The following HIKESHI variants were observed in gnomAD, a reference collection of about 807,000 sequenced individuals.
HIKESHI encodes heat shock protein nuclear import factor hikeshi, also known as protein Hikeshi.
Under a neutral mutation model 25.7 loss-of-function variants are expected in HIKESHI, and 13 were observed. The observed-to-expected ratio is 0.51, with a 90% CI of 0.33 to 0.80. The LOEUF is 0.80. Among genes scored for constraint, HIKESHI ranks in the 30% least tolerant of loss-of-function variants. HIKESHI has a pLI of 0.02. For synonymous variants in HIKESHI, 76 were observed against 78.7 expected (o/e 0.97, Z 0.18); for missense variants, 174 against 229.5 (o/e 0.76, Z 1.56).
intron 3 of HIKESHI, chr11:86,343,768 A>G (rs1947794896): frequency 6.6e-6 from 1 of 152,216 alleles, no homozygotes; most frequent in Non-Finnish European, 1.5e-5. Context: ...AATAAGACCA[A>G]TTCTCTTGTG....
At chr11:86,309,348 T>C (rs1470076318) in intron 2 of HIKESHI, among the ~76,000 whole-genome samples, 1 of 152,232 alleles carries the variant, frequency 6.6e-6, no homozygotes, top group Non-Finnish European at 1.5e-5. Context: ...CACGTGTCTG[T>C]TGGCTACATA....
At chr11:86,343,144 T>A (rs1192166471) in intron 3 of HIKESHI, among the ~76,000 whole-genome samples, 1 of 152,210 alleles carries the variant, frequency 6.6e-6, no homozygotes, top group East Asian at 1.9e-4. Flanking sequence ...CTTTTCTGTC[T>A]CTTAGTAGTC....
chr11:86,339,084 C>T (rs1057459303), intron 3 of HIKESHI, among the ~76,000 whole-genome samples: 10 of 152,100 alleles, frequency 6.6e-5, no homozygotes, highest in East Asian at 1.9e-4. Context: ...CTCACTCTGT[C>T]GCCCAGGCTG....
intron 2 of HIKESHI, 111 bp from the exon 3 acceptor site, chr11:86,337,268 A>C: frequency 1.0e-6 from 1 of 978,680 alleles, no homozygotes; most frequent in East Asian, 2.6e-5. Context: ...ACAAACTTGG[A>C]CATAAAACTT....
intron 3 of HIKESHI, among the ~76,000 whole-genome samples, chr11:86,343,004 A>T (rs187003951): frequency 1.4e-4 from 22 of 152,324 alleles, no homozygotes; most frequent in Admixed American, 1.2e-3. Flanking sequence ...AACATTGGAT[A>T]TATGGGTTTA....
intron 2 of HIKESHI, among the ~76,000 whole-genome samples, chr11:86,323,293 T>G (rs7928198): frequency 0.023 from 3,535 of 151,846 alleles, 127 homozygotes; most frequent in African/African-American, 0.08. Flanking sequence ...AGGAAAGAAA[T>G]AAATGTAAAT....
At position 86,302,497 on chromosome 11, in the gene HIKESHI, G is replaced by A; in HGVS notation, c.30+19G>A. On this transcript the variant is annotated intron_variant, in intron 1 of 4. Coordinates refer to ENST00000278483, the MANE Select transcript of HIKESHI (RefSeq NM_016401.4). ...GAGGCTGGTGAGGATGGGACCGGGT[G>A]ATATCAGGAAGGGGTCAGGATACCG... 6.4e-7 allele frequency: 1 copy of A among 1,556,904 alleles called. No homozygotes were observed. The highest frequency in any genetic ancestry group is 8.7e-7 in the Non-Finnish European group (1 of 1,150,090).
At chr11:86,334,234 ATATGTGTG>A (rs760597940) in intron 2 of HIKESHI, among the ~76,000 whole-genome samples, 1 of 125,840 alleles carries the variant, frequency 7.9e-6, no homozygotes, top group Non-Finnish European at 1.6e-5. Flanking sequence ...TCTTTGTAAA[ATATGTGTG>A]TGTGTGTGTG....
At chr11:86,333,440 C>T (rs960411931) in intron 2 of HIKESHI, among the ~76,000 whole-genome samples, 3 of 151,900 alleles carry the variant, frequency 2.0e-5, no homozygotes, top group Admixed American at 6.6e-5. Flanking sequence ...GAGGCTGAGG[C>T]ATGAGAATTG....
intron 2 of HIKESHI, among the ~76,000 whole-genome samples, chr11:86,321,535 AT>A (rs35862030): frequency 0.16 from 23,376 of 146,292 alleles, 2,354 homozygotes; most frequent in African/African-American, 0.29. Flanking sequence ...TTTGTTTTAC[AT>A]TTTTTTTTTT....
chr11:86,306,303 A>G lies in HIKESHI; in HGVS notation c.89A>G (p.Tyr30Cys). 1.2e-6 allele frequency: 2 copies of G among 1,614,132 alleles called. No individual in the cohort carries two copies. Among genetic ancestry groups the G allele is most frequent in the Non-Finnish European group, 1.7e-6 (2 of 1,179,996 alleles). The change falls in exon 2 of 5, where the codon TAT (tyrosine) becomes TGT (cysteine). Residue 30 changes from tyrosine (Y) to cysteine (C), a missense_variant. By Grantham distance (194) the Tyr-to-Cys change is radical. Transcript: ENST00000278483. ...AAATTTGTTTTTGACTTACCTGATTATGAAAGTATCAACCATGTTGTGGTT... is the reference window on the plus strand; with the variant it reads ...AAATTTGTTTTTGACTTACCTGATTGTGAAAGTATCAACCATGTTGTGGTT... The part of the protein sequence containing the change: ...EDKFVFDLPD[Y>C]ESINHVVVFM...
chr11:86,309,707 T>C (rs1026079673), intron 2 of HIKESHI, among the ~76,000 whole-genome samples: 7 of 152,240 alleles, frequency 4.6e-5, no homozygotes, highest in Non-Finnish European at 7.3e-5. Flanking sequence ...GTTTTAGGGC[T>C]AACATGTAAG....
At chr11:86,319,291 G>A (rs1250020132) in intron 2 of HIKESHI, among the ~76,000 whole-genome samples, 7 of 145,222 alleles carry the variant, frequency 4.8e-5, no homozygotes, top group Non-Finnish European at 1.0e-4. Flanking sequence ...AGGCCAGAGT[G>A]CAGTAGCAAG....
chr11:86,334,679 T>C (rs1386054732), intron 2 of HIKESHI, among the ~76,000 whole-genome samples: 2 of 152,196 alleles, frequency 1.3e-5, no homozygotes, highest in Non-Finnish European at 2.9e-5. Context: ...GAAAATCCAG[T>C]CTTCCATAAA....
intron 1 of HIKESHI, among the ~76,000 whole-genome samples, chr11:86,304,760 C>T (rs1946577404): frequency 6.6e-6 from 1 of 152,182 alleles, no homozygotes; most frequent in South Asian, 2.1e-4. Context: ...AGGTGATCAA[C>T]CCGCCTTGGC....
intron 2 of HIKESHI, among the ~76,000 whole-genome samples, chr11:86,314,577 T>C (rs1353054281): frequency 6.6e-6 from 1 of 151,958 alleles, no homozygotes; most frequent in East Asian, 1.9e-4. Flanking sequence ...GCCAAGATCA[T>C]GCTATTGCAC....
chr11:86,328,906 T>TTGTGTG (rs139954147), intron 2 of HIKESHI, among the ~76,000 whole-genome samples: 3 of 145,216 alleles, frequency 2.1e-5, no homozygotes, highest in Non-Finnish European at 3.0e-5. Flanking sequence ...GTTTTGTGTT[T>TTGTGTG]TGTGTGTGTG....
intron 3 of HIKESHI, among the ~76,000 whole-genome samples, chr11:86,341,259 A>G (rs757844936): frequency 1.6e-4 from 24 of 152,184 alleles, no homozygotes. Flanking sequence ...AAAAGTTTAC[A>G]GTATTATGAG....
At chr11:86,334,756 C>T (rs574305058) in intron 2 of HIKESHI, among the ~76,000 whole-genome samples, 3 of 152,254 alleles carry the variant, frequency 2.0e-5, no homozygotes, top group Admixed American at 6.5e-5. Flanking sequence ...CTAAGCGATC[C>T]TCCCACCTCC....
Sources: allele counts gnomAD v4.1 joint callset (sites outside exome capture counted in the v4.1 genomes callset), GRCh38; gene constraint gnomAD v4.1.1; transcripts MANE v1.5; gene names NCBI Gene and HGNC (gene_info 2026-07-23, HGNC 2026-07-21).